Variants in TRIM26 observed in about 807,000 individuals in gnomAD.
TRIM26 encodes the protein tripartite motif containing 26.
TRIM26 carries 16 observed loss-of-function variants against 45.5 expected under a neutral mutation model. That is an observed-to-expected ratio of 0.35 (90% confidence interval 0.24 to 0.53). The LOEUF is 0.53. Ranked by LOEUF, TRIM26 falls within the 20% of genes least tolerant of loss-of-function variation. The probability of loss-of-function intolerance (pLI) is 0.92; values close to 1 mark genes in which losing one functional copy is unlikely to be tolerated. For missense variants in TRIM26, 442 were observed against 691.1 expected (o/e 0.64, Z 4.04); for synonymous variants, 273 against 290.4 (o/e 0.94, Z 0.61).
intron 2 of TRIM26, among the ~76,000 whole-genome samples, chr6:30,203,219 G>C (rs1307456745): frequency 2.0e-5 from 3 of 151,642 alleles, no homozygotes; most frequent in African/African-American, 7.2e-5. Context: ...AATTTTTAAA[G>C]GTTTTTGTAG....
chr6:30,192,556 T>C (rs534663991), intron 6 of TRIM26, among the ~76,000 whole-genome samples: 1 of 152,290 alleles, frequency 6.6e-6, no homozygotes, highest in South Asian at 2.1e-4. Flanking sequence ...TTTATTTTAA[T>C]TTTTTTGAGA....
chr6:30,184,763 GGGA>G lies in TRIM26; in HGVS notation c.*1110_*1112del, dbSNP rs1774977573. ...ACTTGGAATGGGTAAGGACAAGACT[GGGA>G]GATCAATTTGGCTGGAGCAGGGGAG... is the stretch of plus-strand genomic sequence containing the variant. On this transcript the variant is annotated 3_prime_UTR_variant, in exon 10 of 10. Coordinates refer to ENST00000454678, the MANE Select transcript of TRIM26 (RefSeq NM_003449.5). 1 of 153,130 alleles carries G rather than the reference GGGA, an allele frequency of 6.5e-6. No homozygotes were observed. Among genetic ancestry groups the G allele is most frequent in the South Asian group, 2.1e-4 (1 of 4,836 alleles). The allele number at this position is 153,130 out of a possible 1,614,324, so 9.5% of individuals were successfully genotyped here.
At chr6:30,187,786 TG>T (rs1026432463) in intron 9 of TRIM26, 24 of 176,348 alleles carry the variant, frequency 1.4e-4, no homozygotes, top group Non-Finnish European at 4.6e-5. Context: ...GGCATGGTGG[TG>T]GGCACCTGTA....
rs1777822507 is a variant in TRIM26 at position 30,207,266 on chromosome 6, A to C, written c.-375-2501T>G. On this transcript the variant is annotated intron_variant, in intron 1 of 9. Transcript: ENST00000454678. This position sits in a 1 kb window ranked among gnomAD's most constrained non-coding sequence, Gnocchi z 4.9. ...TTTAAGCAGCAGGATGTTGAAAGTTATTCAACAGCTAGCAGATGTTTATTA... is the reference window on the plus strand; with the variant it reads ...TTTAAGCAGCAGGATGTTGAAAGTTCTTCAACAGCTAGCAGATGTTTATTA... Among the ~76,000 whole-genome samples the C allele has an allele frequency of 6.6e-6, 1 of 152,210 alleles. No individual in the cohort carries two copies. Among genetic ancestry groups the C allele is most frequent in the Non-Finnish European group, 1.5e-5 (1 of 68,032 alleles).
rs150598010 is a variant in TRIM26 at position 30,201,449 on chromosome 6, G to A, written c.-265-311C>T. 4.6e-3 allele frequency among the ~76,000 whole-genome samples: 705 copies of A among 152,294 alleles called. 7 individuals are homozygous for A. The highest frequency in any genetic ancestry group is 0.016 in the African/African-American group (666 of 41,552). On this transcript the variant is annotated intron_variant, in intron 2 of 9. Coordinates refer to ENST00000454678, the MANE Select transcript of TRIM26 (RefSeq NM_003449.5). Reference sequence around the variant, plus strand: ...TGTGTGACTTTAAGAGACATAATGAGGGGAAAATCAAGCACCTTCAAAGCT... The same window carrying A: ...TGTGTGACTTTAAGAGACATAATGAAGGGAAAATCAAGCACCTTCAAAGCT...
chr6:30,194,828 G>A (rs1327076896), intron 6 of TRIM26, among the ~76,000 whole-genome samples: 5 of 152,134 alleles, frequency 3.3e-5, no homozygotes, highest in African/African-American at 4.8e-5. Context: ...CCCAGGAGGC[G>A]GAGATTACAG....
At chr6:30,187,149 G>T in intron 9 of TRIM26, 2 of 291,596 alleles carry the variant, frequency 6.9e-6, no homozygotes, top group Non-Finnish European at 6.8e-6. Flanking sequence ...TTACTGCACT[G>T]GGGTTCTACA....
intron 6 of TRIM26, among the ~76,000 whole-genome samples, chr6:30,194,117 T>A (rs1776227426): frequency 6.6e-6 from 1 of 152,198 alleles, no homozygotes; most frequent in Admixed American, 6.5e-5. Flanking sequence ...AATCAGTATA[T>A]CAAAGGGATA....
intron 6 of TRIM26, among the ~76,000 whole-genome samples, chr6:30,191,612 T>G (rs978725207): frequency 6.6e-6 from 1 of 151,922 alleles, no homozygotes; most frequent in African/African-American, 2.4e-5. Flanking sequence ...GGGTGAGATT[T>G]GGGAAACAAA....
Position 30,190,221 on chromosome 6 carries a change from A to C in TRIM26, c.766-186T>G. The C allele has an allele frequency of 1.5e-6, 1 of 650,564 alleles. No individual in the cohort carries two copies. The highest frequency in any genetic ancestry group is 2.7e-6 in the Non-Finnish European group (1 of 373,666). The allele number at this position is 650,564 out of a possible 1,614,324, so 40.3% of individuals were successfully genotyped here. On this transcript the variant is annotated intron_variant, in intron 6 of 9. Coordinates refer to ENST00000454678, the MANE Select transcript of TRIM26 (RefSeq NM_003449.5). The surrounding 1 kb of genome is among the most constrained non-coding windows in gnomAD (Gnocchi z 4.3). ...CAACAAGAAAACAAACAAAATCGGC[A>C]CAATGACAGAAGCCACAATGGCTGG...
chr6:30,187,686 G>A (rs369922755), intron 9 of TRIM26: 5 of 220,092 alleles, frequency 2.3e-5, no homozygotes, highest in East Asian at 2.6e-4. Flanking sequence ...TTGGAAGGCC[G>A]AGGCGGGTGG....
In TRIM26 at chr6:30,185,835, TGAAGCATCTGA is replaced by T. The variant is rs1471949145; in HGVS notation, c.*30_*40del. On this transcript the variant is annotated 3_prime_UTR_variant, in exon 10 of 10. Transcript: ENST00000454678. The surrounding 1 kb of genome is among the most constrained non-coding windows in gnomAD (Gnocchi z 5.7). ...TGAGAGTCCTGGAATTCCAAAGAAG[TGAAGCATCTGA>T]GGGTTGGGGCTGGGGGCAGATGTCA... 20 of 1,568,750 alleles carry T rather than the reference TGAAGCATCTGA, an allele frequency of 1.3e-5. No individual in the cohort carries two copies. The highest frequency in any genetic ancestry group is 1.7e-5 in the Non-Finnish European group (20 of 1,156,174).
At chr6:30,197,085 C>T (rs17188212) in intron 5 of TRIM26, among the ~76,000 whole-genome samples, 1,589 of 152,278 alleles carry the variant, frequency 0.01, 59 homozygotes, top group Admixed American at 0.066. Flanking sequence ...ACTTTTCCCT[C>T]CTGGACAAAA....
At position 30,186,082 on chromosome 6, in the gene TRIM26, C is replaced by A; in HGVS notation, c.1414G>T (p.Ala472Ser). 1 of 1,594,262 alleles carries A rather than the reference C, an allele frequency of 6.3e-7. No individual in the cohort carries two copies. The highest frequency in any genetic ancestry group is 2.3e-5 in the East Asian group (1 of 43,738). ...AGCTCAGCCTCGGGGCTGGTGTTGG[C>A]CCAGATGCCGGAGGAGGAGAGGCGC... is the stretch of plus-strand genomic sequence containing the variant. The part of the protein sequence containing the change: ...ALRLSSSGIW[A>S]NTSPEAELFP... Residue 472 changes from alanine (A) to serine (S), a missense_variant, in exon 10 of 10, where the codon GCC (alanine) becomes TCC (serine). Ala to Ser is a moderately conservative substitution (Grantham distance 99). Coordinates refer to ENST00000454678, the MANE Select transcript of TRIM26 (RefSeq NM_003449.5). This position sits in a 1 kb window ranked among gnomAD's most constrained non-coding sequence, Gnocchi z 7.4.
intron 2 of TRIM26, among the ~76,000 whole-genome samples, chr6:30,203,749 G>C (rs1167716162): frequency 6.6e-6 from 1 of 151,556 alleles, no homozygotes; most frequent in African/African-American, 2.4e-5. Flanking sequence ...AATGGATGCT[G>C]TAGTATTTAG....
intron 1 of TRIM26, among the ~76,000 whole-genome samples, chr6:30,205,248 A>G (rs1054229194): frequency 6.6e-6 from 1 of 152,136 alleles, no homozygotes; most frequent in African/African-American, 2.4e-5. Flanking sequence ...ATCTCAAAAA[A>G]TAAAAATGAA....
At chr6:30,192,008 T>A (rs1581665758) in intron 6 of TRIM26, among the ~76,000 whole-genome samples, 1 of 152,142 alleles carries the variant, frequency 6.6e-6, no homozygotes, top group East Asian at 1.9e-4. Flanking sequence ...AGAAGAGTCC[T>A]CTAAAGGTTA....
intron 9 of TRIM26, among the ~76,000 whole-genome samples, chr6:30,187,917 CAAAAAAAA>C (rs34936729): frequency 0.036 from 1,589 of 43,586 alleles, 54 homozygotes; most frequent in African/African-American, 0.12. Context: ...GACTCCATCT[CAAAAAAAA>C]AAAAAAAAAA....
intron 2 of TRIM26, among the ~76,000 whole-genome samples, chr6:30,201,492 G>A (rs941222910): frequency 5.3e-5 from 8 of 152,084 alleles, no homozygotes; most frequent in African/African-American, 1.9e-4. Context: ...AGGATTCAAG[G>A]AATTTAACTG....
Sources: allele counts gnomAD v4.1 joint callset (sites outside exome capture counted in the v4.1 genomes callset), GRCh38; gene constraint gnomAD v4.1.1; non-coding constraint Gnocchi (gnomAD v3.1); transcripts MANE v1.5; gene names NCBI Gene and HGNC (gene_info 2026-07-23, HGNC 2026-07-21).